CHST9: variants seen among roughly 807,000 people sequenced by gnomAD.
CHST9 encodes the protein carbohydrate sulfotransferase 9.
In CHST9, 41 loss-of-function variants were observed where a neutral mutation model predicts 44.4. The observed-to-expected ratio is 0.92, with a 90% CI of 0.72 to 1.20. The LOEUF is 1.20. Ranked by LOEUF, CHST9 falls within the 50% of genes most tolerant of loss-of-function variation. CHST9 has a pLI of 0.00. For synonymous variants in CHST9, 171 were observed against 178.4 expected, an observed-to-expected ratio of 0.96 and a Z score of 0.33; for missense variants, 504 against 516.5, an observed-to-expected ratio of 0.98 and a Z score of 0.23.
intron 5 of CHST9, chr18:26,935,716 C>T (rs2055976420): frequency 6.6e-6 from 1 of 152,092 alleles, no homozygotes; most frequent in Non-Finnish European, 1.5e-5. Flanking sequence ...TTATTCCATC[C>T]TTGTTTGATG....
chr18:27,019,621 C>A (rs940389583), intron 4 of CHST9, among the ~76,000 whole-genome samples: 6 of 138,018 alleles, frequency 4.3e-5, no homozygotes, highest in African/African-American at 1.6e-4. Flanking sequence ...AGATGCTAGT[C>A]TGGGTTATAT....
intron 3 of CHST9, among the ~76,000 whole-genome samples, chr18:27,026,617 G>A (rs2057287903): frequency 6.6e-6 from 1 of 152,024 alleles, no homozygotes; most frequent in Admixed American, 6.6e-5. Context: ...TAAATATGTA[G>A]GATGTTGGGC....
intron 5 of CHST9, among the ~76,000 whole-genome samples, chr18:26,941,318 C>T (rs1321482706): frequency 6.6e-6 from 1 of 152,104 alleles, no homozygotes; most frequent in African/African-American, 2.4e-5. Flanking sequence ...TCTAGCTGCA[C>T]AAACACAAGG....
In CHST9 at chr18:27,141,233, C is replaced by T. The variant is rs376576135; in HGVS notation, c.121+1456G>A. 1.1e-3 allele frequency among the ~76,000 whole-genome samples: 161 copies of T among 151,852 alleles called. 1 individual carries two copies. The East Asian group carries it at 0.026, about 25-fold the overall frequency. On this transcript the variant is annotated intron_variant, in intron 2 of 5. Coordinates refer to ENST00000618847, the MANE Select transcript of CHST9 (RefSeq NM_031422.6). ...AAAAGAAATTAGCCGGGCGTGGTGG[C>T]GGGCGCCTGTAGTCCCAGCTACTTG...
chr18:26,973,770 A>G (rs1378169933), intron 4 of CHST9, among the ~76,000 whole-genome samples: 1 of 152,014 alleles, frequency 6.6e-6, no homozygotes, highest in Non-Finnish European at 1.5e-5. Flanking sequence ...CTTATATTCT[A>G]ATGACCTGGT....
chr18:26,932,148 G>A (rs2055889848), intron 5 of CHST9, among the ~76,000 whole-genome samples: 1 of 152,020 alleles, frequency 6.6e-6, no homozygotes, highest in Non-Finnish European at 1.5e-5. Flanking sequence ...AATATATGTT[G>A]GGTACCAAGA....
At chr18:27,090,982 G>T (rs145070727) in intron 2 of CHST9, among the ~76,000 whole-genome samples, 90 of 152,294 alleles carry the variant, frequency 5.9e-4, no homozygotes, top group African/African-American at 2.1e-3. Flanking sequence ...AATCTGTGAA[G>T]AAAGTCATTG....
chr18:26,940,575 C>T (rs1024442182), intron 5 of CHST9, among the ~76,000 whole-genome samples: 2 of 152,040 alleles, frequency 1.3e-5, no homozygotes, highest in South Asian at 4.2e-4. Flanking sequence ...CAGGAAATCA[C>T]CGAGCAAATG....
At chr18:27,021,334 A>G (rs950196274) in intron 4 of CHST9, among the ~76,000 whole-genome samples, 1 of 152,186 alleles carries the variant, frequency 6.6e-6, no homozygotes, top group Non-Finnish European at 1.5e-5. Flanking sequence ...TTACTTGACA[A>G]CAACAAGTCA....
intron 1 of CHST9, among the ~76,000 whole-genome samples, chr18:27,161,266 G>A (rs548165549): frequency 6.6e-6 from 1 of 151,936 alleles, no homozygotes; most frequent in African/African-American, 2.4e-5. Flanking sequence ...AAATTTCCCT[G>A]TACACACTGC....
intron 5 of CHST9, among the ~76,000 whole-genome samples, chr18:26,943,836 T>C (rs1453918384): frequency 6.6e-6 from 1 of 152,172 alleles, no homozygotes; most frequent in African/African-American, 2.4e-5. Flanking sequence ...GACAGGAAGA[T>C]GCTGGCCAAC....
intron 1 of CHST9, among the ~76,000 whole-genome samples, chr18:27,178,183 C>G (rs2058883377): frequency 6.6e-6 from 1 of 152,028 alleles, no homozygotes; most frequent in Admixed American, 6.6e-5. Context: ...GCTGCATCCT[C>G]TTTGTCGGAA....
chr18:27,088,899 A>G (rs1030428745), intron 2 of CHST9, among the ~76,000 whole-genome samples: 1 of 152,198 alleles, frequency 6.6e-6, no homozygotes, highest in African/African-American at 2.4e-5. Flanking sequence ...CAGGTCAATG[A>G]ACTGGCAGCT....
At chr18:26,925,829 T>C (rs1220359790) in intron 5 of CHST9, 3 of 152,222 alleles carry the variant, frequency 2.0e-5, no homozygotes, top group African/African-American at 7.2e-5. Flanking sequence ...GCTGAATATT[T>C]TTGAGCAATT....
intron 2 of CHST9, among the ~76,000 whole-genome samples, chr18:27,093,978 T>A (rs1005905065): frequency 6.6e-6 from 1 of 152,184 alleles, no homozygotes; most frequent in Admixed American, 6.5e-5. Flanking sequence ...TTTATCTTCA[T>A]GTTAAGTCAG....
Position 26,913,102 on chromosome 18 carries a change from A to C in CHST9, c.*3157T>G, listed in dbSNP as rs139626265. 8.0e-4 allele frequency: 122 copies of C among 152,222 alleles called. No homozygotes were observed. Among genetic ancestry groups the C allele is most frequent in the Middle Eastern group, 3.4e-3 (1 of 294 alleles). The allele number at this position is 152,222 out of a possible 1,614,324, so 9.4% of individuals were successfully genotyped here. On this transcript the variant is annotated 3_prime_UTR_variant, in exon 6 of 6. Coordinates refer to ENST00000618847, the MANE Select transcript of CHST9 (RefSeq NM_031422.6). ...TCAGCAAGTGATTTTTTCAAAGGGCACTCTAATATTCAAAATTCTCTGCAT... is the reference window on the plus strand; with the variant it reads ...TCAGCAAGTGATTTTTTCAAAGGGCCCTCTAATATTCAAAATTCTCTGCAT...
intron 1 of CHST9, among the ~76,000 whole-genome samples, chr18:27,145,513 T>C (rs2058604917): frequency 6.6e-6 from 1 of 152,206 alleles, no homozygotes; most frequent in Admixed American, 6.5e-5. Flanking sequence ...ATATTTTAAC[T>C]CTGACCTGGA....
At chr18:26,924,445 G>C (rs2055724601) in intron 5 of CHST9, 1 of 164,852 alleles carries the variant, frequency 6.1e-6, no homozygotes. Flanking sequence ...GGACTGAAAA[G>C]CTGGGTATAG....
intron 2 of CHST9, among the ~76,000 whole-genome samples, chr18:27,078,922 A>G (rs2057934408): frequency 6.6e-6 from 1 of 152,242 alleles, no homozygotes; most frequent in African/African-American, 2.4e-5. Flanking sequence ...GAATTCATTA[A>G]TGAGGTTTAC....
Sources: gnomAD v4.1 joint callset for allele counts (sites outside exome capture counted in the v4.1 genomes callset) on GRCh38, gnomAD v4.1.1 for gene constraint, MANE v1.5 for transcripts, NCBI Gene and HGNC (gene_info 2026-07-23, HGNC 2026-07-21) for gene names.